CSMD1: variants seen among roughly 807,000 people sequenced by gnomAD.
CSMD1 encodes CUB and sushi domain-containing protein 1.
Under a neutral mutation model 417.5 loss-of-function variants are expected in CSMD1, and 213 were observed. The observed-to-expected ratio is 0.51, with a 90% CI of 0.46 to 0.57. The LOEUF (loss-of-function observed/expected upper bound fraction) is 0.57, where lower values mean the gene tolerates loss of function less well. Among genes scored for constraint, CSMD1 ranks in the 20% least tolerant of loss-of-function variants. The pLI is 0.00. For synonymous variants in CSMD1, 2,862 were observed against 1,736.8 expected (o/e 1.65, Z -16.11); for missense variants, 6,923 against 4,529.7 (o/e 1.53, Z -15.17).
At chr8:3,242,567 G>C (rs1226004161) in intron 26 of CSMD1, among the ~76,000 whole-genome samples, 2 of 152,096 alleles carry the variant, frequency 1.3e-5, no homozygotes, top group African/African-American at 2.4e-5. Context: ...CCACTGTCGA[G>C]TTTGTACTGG....
intron 8 of CSMD1, among the ~76,000 whole-genome samples, chr8:3,587,654 A>G (rs1800664583): frequency 6.6e-6 from 1 of 152,186 alleles, no homozygotes; most frequent in African/African-American, 2.4e-5. Context: ...GATGTCGGCA[A>G]CAGCCATCAA....
chr8:3,626,712 A>T (rs752427075), intron 7 of CSMD1, among the ~76,000 whole-genome samples: 11 of 151,220 alleles, frequency 7.3e-5, no homozygotes, highest in Non-Finnish European at 1.2e-4. Flanking sequence ...ATAAGTATGT[A>T]TTATGTAATT....
chr8:4,268,960 C>G (rs1236347413), intron 3 of CSMD1, among the ~76,000 whole-genome samples: 1 of 152,158 alleles, frequency 6.6e-6, no homozygotes, highest in Non-Finnish European at 1.5e-5. Context: ...CTGCTGTATC[C>G]TTTTATTTTT....
At chr8:4,539,803 C>G (rs1170799137) in intron 2 of CSMD1, among the ~76,000 whole-genome samples, 1 of 152,100 alleles carries the variant, frequency 6.6e-6, no homozygotes, top group East Asian at 1.9e-4. Flanking sequence ...GGTTTATTTT[C>G]CATATGGGTT....
intron 1 of CSMD1, among the ~76,000 whole-genome samples, chr8:4,942,098 A>G (rs1022416359): frequency 6.6e-6 from 1 of 152,170 alleles, no homozygotes; most frequent in African/African-American, 2.4e-5. Context: ...TACAGGTAAC[A>G]TTCCACAATT....
At chr8:4,882,915 T>C (rs1803503413) in intron 1 of CSMD1, among the ~76,000 whole-genome samples, 1 of 151,950 alleles carries the variant, frequency 6.6e-6, no homozygotes, top group Non-Finnish European at 1.5e-5. Context: ...TTCACTAGAT[T>C]AAGTGAAGAA....
At chr8:3,613,110 GGAT>G (rs1801970469) in intron 8 of CSMD1, among the ~76,000 whole-genome samples, 1 of 151,956 alleles carries the variant, frequency 6.6e-6, no homozygotes, top group South Asian at 2.1e-4. Context: ...CTCATTTAAA[GGAT>G]AATAAAGAAA....
At chr8:4,934,043 T>G (rs796733414) in intron 1 of CSMD1, among the ~76,000 whole-genome samples, 4 of 152,022 alleles carry the variant, frequency 2.6e-5, no homozygotes, top group African/African-American at 9.6e-5. Context: ...GAGATAAATG[T>G]GTTCTAGCAT....
chr8:3,519,421 G>C (rs1585293376), intron 10 of CSMD1, among the ~76,000 whole-genome samples: 1 of 152,286 alleles, frequency 6.6e-6, no homozygotes, highest in South Asian at 2.1e-4. Flanking sequence ...TTGCATGCTG[G>C]TTCATGTAAA....
chr8:4,448,922 C>G (rs901346971), intron 2 of CSMD1, among the ~76,000 whole-genome samples: 2 of 152,120 alleles, frequency 1.3e-5, no homozygotes, highest in African/African-American at 4.8e-5. Context: ...CTATTAAGTT[C>G]AAAATTTCCA....
chr8:3,142,965 T>TC, intron 40 of CSMD1, among the ~76,000 whole-genome samples: 1 of 152,326 alleles, frequency 6.6e-6, no homozygotes, highest in African/African-American at 2.4e-5. Context: ...ACAGGTGGAA[T>TC]CCTTAGGTAA....
At chr8:4,597,402 A>G (rs1800345231) in intron 2 of CSMD1, among the ~76,000 whole-genome samples, 5 of 152,170 alleles carry the variant, frequency 3.3e-5, no homozygotes, top group Admixed American at 2.0e-4. Flanking sequence ...CCAAGGTTAA[A>G]TATCCATCCC....
chr8:3,909,765 C>T lies in CSMD1; in HGVS notation c.818+88138G>A, dbSNP rs549704433. On this transcript the variant is annotated intron_variant, in intron 5 of 69. Transcript: ENST00000635120. ...GGGGGTCTTGACTCTGGAGCTAATACGAACTCGACAAATTTGAAAAGTGTT... is the reference window on the plus strand; with the variant it reads ...GGGGGTCTTGACTCTGGAGCTAATATGAACTCGACAAATTTGAAAAGTGTT... 2.0e-4 allele frequency among the ~76,000 whole-genome samples: 30 copies of T among 152,180 alleles called. No homozygotes were observed. The South Asian group carries it at 5.0e-3, about 25-fold the overall frequency.
chr8:4,447,748 G>A (rs776739070), intron 2 of CSMD1, among the ~76,000 whole-genome samples: 3 of 152,078 alleles, frequency 2.0e-5, no homozygotes, highest in Non-Finnish European at 2.9e-5. Context: ...TAAGATTTAA[G>A]ACTCTTTTGC....
chr8:3,279,950 G>A (rs944628680), intron 26 of CSMD1, among the ~76,000 whole-genome samples: 9 of 152,206 alleles, frequency 5.9e-5, no homozygotes, highest in African/African-American at 1.9e-4. Flanking sequence ...TTTGGGTGGG[G>A]ACGTAGAACC....
In CSMD1 at chr8:4,684,294, G is replaced by A. The variant is rs905667898; in HGVS notation, c.86-46736C>T. 1.5e-4 allele frequency among the ~76,000 whole-genome samples: 23 copies of A among 152,116 alleles called. 1 individual carries two copies. Among genetic ancestry groups the A allele is most frequent in the African/African-American group, 1.7e-4 (7 of 41,416 alleles). On this transcript the variant is annotated intron_variant, in intron 1 of 69. Transcript: ENST00000635120. ...TTTTAATCGTGCAAAAAATAGGAGC[G>A]CAGACTTGGTAAAAATCGGTTTTCT...
At chr8:3,522,590 G>T (rs867984556) in intron 10 of CSMD1, among the ~76,000 whole-genome samples, 3 of 152,004 alleles carry the variant, frequency 2.0e-5, no homozygotes, top group African/African-American at 7.3e-5. Context: ...CACTACTCAT[G>T]TTTCAGGCAG....
intron 10 of CSMD1, among the ~76,000 whole-genome samples, chr8:3,527,292 C>T (rs540185060): frequency 6.6e-6 from 1 of 152,326 alleles, no homozygotes; most frequent in South Asian, 2.1e-4. Context: ...ATCAGCTAAT[C>T]TGACATCATA....
chr8:3,404,302 T>A (rs920385349), intron 15 of CSMD1, among the ~76,000 whole-genome samples: 1 of 148,918 alleles, frequency 6.7e-6, no homozygotes, highest in Non-Finnish European at 1.5e-5. Context: ...ACCACTGCAC[T>A]CCAGCCTGGG....
Sources: gnomAD v4.1 joint callset for allele counts (sites outside exome capture counted in the v4.1 genomes callset) on GRCh38, gnomAD v4.1.1 for gene constraint, MANE v1.5 for transcripts, NCBI Gene and HGNC (gene_info 2026-07-23, HGNC 2026-07-21) for gene names.